SFMBT2: variants seen among roughly 807,000 people sequenced by gnomAD.
SFMBT2 encodes the protein scm-like with four MBT domains protein 2.
A neutral mutation model predicts 110.1 loss-of-function variants in SFMBT2; 38 were observed. The observed-to-expected ratio is 0.35, with a 90% CI of 0.27 to 0.45. The LOEUF is 0.45. Ranked by LOEUF, SFMBT2 falls within the 20% of genes least tolerant of loss-of-function variation. The pLI is 1.00. For synonymous variants in SFMBT2, 425 were observed against 425.4 expected, an observed-to-expected ratio of 1.00 and a Z score of 0.01; for missense variants, 1,011 against 1,094.9, an observed-to-expected ratio of 0.92 and a Z score of 1.08.
chr10:7,210,203 G>T (rs1019456700), intron 11 of SFMBT2, among the ~76,000 whole-genome samples: 3 of 152,290 alleles, frequency 2.0e-5, no homozygotes, highest in Non-Finnish European at 2.9e-5. Flanking sequence ...GATGACACAG[G>T]TGACTGTAAT....
At chr10:7,251,982 C>T (rs933420181) in intron 7 of SFMBT2, among the ~76,000 whole-genome samples, 4 of 152,224 alleles carry the variant, frequency 2.6e-5, no homozygotes, top group Non-Finnish European at 5.9e-5. Context: ...TCTTCATTCC[C>T]TCCATTCCAG....
chr10:7,168,271 T>C (rs540547762), intron 20 of SFMBT2, among the ~76,000 whole-genome samples: 3 of 152,338 alleles, frequency 2.0e-5, no homozygotes, highest in Non-Finnish European at 2.9e-5. Context: ...TACTGAGAAC[T>C]TGTACACAGT....
chr10:7,336,651 C>CTCAATCAA (rs59171440), intron 4 of SFMBT2, among the ~76,000 whole-genome samples: 8 of 150,780 alleles, frequency 5.3e-5, no homozygotes, highest in South Asian at 2.1e-4. Context: ...GAGACCCTGT[C>CTCAATCAA]TCAATCAATC....
At chr10:7,311,693 A>G (rs1588438638) in intron 4 of SFMBT2, among the ~76,000 whole-genome samples, 1 of 152,368 alleles carries the variant, frequency 6.6e-6, no homozygotes, top group African/African-American at 2.4e-5. Context: ...TCCTTTATCT[A>G]GGCTGAAGAT....
At chr10:7,405,730 T>A (rs1487450797) in intron 1 of SFMBT2, among the ~76,000 whole-genome samples, 1 of 152,004 alleles carries the variant, frequency 6.6e-6, no homozygotes, top group Non-Finnish European at 1.5e-5. Flanking sequence ...CTTTATTTTG[T>A]AGATAAGGAG....
intron 7 of SFMBT2, among the ~76,000 whole-genome samples, chr10:7,274,352 A>G (rs975051431): frequency 1.5e-4 from 23 of 152,266 alleles, no homozygotes; most frequent in African/African-American, 5.1e-4. Flanking sequence ...ATTAGCTGAT[A>G]TGGTTTGGCT....
chr10:7,246,090 C>T, intron 8 of SFMBT2: 1 of 936,090 alleles, frequency 1.1e-6, no homozygotes, highest in Non-Finnish European at 1.3e-6. Context: ...TTCTAAAAGA[C>T]AGATGCACAT....
At position 7,206,171 on chromosome 10, in the gene SFMBT2, G is replaced by A. The variant is rs552311445; in HGVS notation, c.1331-243C>T. ...ATAAAAGGGGTTCAGAGAAAACGAA[G>A]GTTTGGAAAAAGAGAGATACTCTGC... On this transcript the variant is annotated intron_variant, in intron 11 of 20. Coordinates refer to ENST00000397167, the MANE Select transcript of SFMBT2 (RefSeq NM_001387889.1). 40 of 985,364 alleles carry A rather than the reference G, an allele frequency of 4.1e-5. No homozygotes were observed. The African/African-American group carries it at 6.5e-4, about 16-fold the overall frequency. The allele number at this position is 985,364 out of a possible 1,614,324, so 61.0% of individuals were successfully genotyped here.
At chr10:7,223,364 T>C (rs140331155) in intron 10 of SFMBT2, among the ~76,000 whole-genome samples, 1 of 152,320 alleles carries the variant, frequency 6.6e-6, no homozygotes, top group East Asian at 1.9e-4. Flanking sequence ...TGGTGTTAGC[T>C]TGCATTTGCC....
chr10:7,328,343 G>C (rs936191198), intron 4 of SFMBT2, among the ~76,000 whole-genome samples: 1 of 151,978 alleles, frequency 6.6e-6, no homozygotes, highest in Non-Finnish European at 1.5e-5. Context: ...AGTTTTAAGA[G>C]TCCATTTTAT....
At chr10:7,335,957 G>GA (rs920030886) in intron 4 of SFMBT2, among the ~76,000 whole-genome samples, 5 of 149,146 alleles carry the variant, frequency 3.4e-5, no homozygotes, top group South Asian at 2.1e-4. Flanking sequence ...CCACTAAAAA[G>GA]AAAAAAAAAG....
intron 9 of SFMBT2, chr10:7,228,387 A>C (rs1362861328): frequency 4.8e-6 from 4 of 825,486 alleles, no homozygotes; most frequent in Non-Finnish European, 5.8e-6. Flanking sequence ...AAAAAAAAAA[A>C]AAACAAAACA....
chr10:7,262,226 T>G (rs1841228731), intron 7 of SFMBT2, among the ~76,000 whole-genome samples: 1 of 151,028 alleles, frequency 6.6e-6, no homozygotes, highest in Non-Finnish European at 1.5e-5. Flanking sequence ...GGATTGGTGG[T>G]TTTTTAATGT....
At chr10:7,165,813 T>C (rs1837679896) in intron 20 of SFMBT2, among the ~76,000 whole-genome samples, 1 of 152,244 alleles carries the variant, frequency 6.6e-6, no homozygotes, top group Admixed American at 6.5e-5. Context: ...TACATGTTAT[T>C]TTACTTTCTT....
chr10:7,386,115 T>A (rs1046142882), intron 1 of SFMBT2, among the ~76,000 whole-genome samples: 2 of 152,182 alleles, frequency 1.3e-5, no homozygotes, highest in Non-Finnish European at 2.9e-5. Context: ...TGTTTCACAA[T>A]CCACATTTCA....
At chr10:7,384,774 A>G (rs998876993) in intron 1 of SFMBT2, among the ~76,000 whole-genome samples, 1 of 152,198 alleles carries the variant, frequency 6.6e-6, no homozygotes, top group Admixed American at 6.5e-5. Context: ...TGATGGACAG[A>G]GCTGCATTCT....
chr10:7,286,158 T>G (rs1004884551), intron 4 of SFMBT2, among the ~76,000 whole-genome samples: 1 of 152,188 alleles, frequency 6.6e-6, no homozygotes, highest in East Asian at 1.9e-4. Flanking sequence ...ACTTGACACA[T>G]ACCACATGCT....
intron 1 of SFMBT2, among the ~76,000 whole-genome samples, chr10:7,387,669 G>A (rs12784834): frequency 1.3e-5 from 2 of 151,774 alleles, no homozygotes; most frequent in Admixed American, 6.6e-5. Flanking sequence ...GGTGGCTCAC[G>A]TCTGTAATCC....
At chr10:7,258,069 C>T (rs1285354134) in intron 7 of SFMBT2, among the ~76,000 whole-genome samples, 18 of 152,198 alleles carry the variant, frequency 1.2e-4, no homozygotes, top group Admixed American at 7.2e-4. Flanking sequence ...GTAGCTGGGA[C>T]GACAGGTGTG....
Sources: allele counts gnomAD v4.1 joint callset (sites outside exome capture counted in the v4.1 genomes callset), GRCh38; gene constraint gnomAD v4.1.1; transcripts MANE v1.5; gene names NCBI Gene and HGNC (gene_info 2026-07-23, HGNC 2026-07-21).